Variants in NPPA observed in about 807,000 individuals in gnomAD.
NPPA encodes natriuretic peptide A.
A neutral mutation model predicts 12.2 loss-of-function variants in NPPA; 10 were observed. The observed-to-expected ratio is 0.82, with a 90% CI of 0.50 to 1.38. The LOEUF (loss-of-function observed/expected upper bound fraction) is 1.38, where lower values mean the gene tolerates loss of function less well. Ranked by LOEUF, NPPA falls within the 40% of genes most tolerant of loss-of-function variation. The pLI, the probability that NPPA is intolerant of heterozygous loss-of-function variation, is 0.00. For missense variants in NPPA, 207 were observed against 193.5 expected, an observed-to-expected ratio of 1.07 and a Z score of -0.41; for synonymous variants, 85 against 80.2, an observed-to-expected ratio of 1.06 and a Z score of -0.32.
intron 2 of NPPA, 53 bp downstream of exon 2, chr1:11,847,060 G>A: frequency 2.7e-6 from 4 of 1,462,894 alleles, no homozygotes; most frequent in South Asian, 1.4e-5. Flanking sequence ...CCTGCTGAAG[G>A]TGTCTCCCAG....
At chr1:11,847,015 CTT>C in intron 2 of NPPA, 96 bp downstream of exon 2, 1 of 1,106,730 alleles carries the variant, frequency 9.0e-7, no homozygotes. Flanking sequence ...GGGGCAGAAA[CTT>C]GAGAGGGAAT....
At position 11,847,397 on chromosome 1, in the gene NPPA, C is replaced by T; in HGVS notation, c.166G>A (p.Glu56Lys). 1 of 1,614,090 alleles carries T rather than the reference C, an allele frequency of 6.2e-7. No homozygotes were observed. Among genetic ancestry groups the T allele is most frequent in the Non-Finnish European group, 8.5e-7 (1 of 1,180,018 alleles). The change falls in exon 2 of 3, where the codon GAG (glutamate) becomes AAG (lysine). Residue 56 changes from glutamate (E) to lysine (K), a missense_variant. By Grantham distance (56) the Glu-to-Lys change is moderately conservative. Transcript: ENST00000376480. Reference protein sequence around the residue: ...HLEEKMPLEDEVVPPQVLSEP... With the variant: ...HLEEKMPLEDKVVPPQVLSEP... ...CTGAGCACTTGTGGGGGCACGACCT[C>T]ATCTTCTAAAGGCATCTTTTCTTCC...
At position 11,847,733 on chromosome 1, in the gene NPPA, C is replaced by T. The variant is rs375633255; in HGVS notation, c.-49G>A. 2.5e-6 allele frequency: 4 copies of T among 1,612,798 alleles called. No individual in the cohort carries two copies. The African/African-American group carries it at 4.0e-5, about 16-fold the overall frequency. ...CACTGCTTGCTGCTCTGTCTCTCCC[C>T]TCTGGTTCCTCTCTGGTTCCCCTCT... is the stretch of plus-strand genomic sequence containing the variant. On this transcript the variant is annotated 5_prime_UTR_variant, in exon 1 of 3. Transcript: ENST00000376480.
chr1:11,845,775 C>G lies in NPPA; in HGVS notation c.*234G>C. 1 of 591,400 alleles carries G rather than the reference C, an allele frequency of 1.7e-6. No homozygotes were observed. The highest frequency in any genetic ancestry group is 3.0e-6 in the Non-Finnish European group (1 of 328,154). The allele number at this position is 591,400 out of a possible 1,614,324, so 36.6% of individuals were successfully genotyped here. A position where few individuals can be genotyped will look rare whatever the true frequency, so the allele number is the denominator to read the frequency against. Reference sequence around the variant, plus strand: ...ACCACTTTCAGTAACAGGTGAGGTTCTACCTTAAAATTTAATGCATGGGGT... The same window carrying G: ...ACCACTTTCAGTAACAGGTGAGGTTGTACCTTAAAATTTAATGCATGGGGT... On this transcript the variant is annotated 3_prime_UTR_variant, in exon 3 of 3. Coordinates refer to ENST00000376480, the MANE Select transcript of NPPA (RefSeq NM_006172.4).
rs1645080289 is a variant in NPPA, at chr1:11,847,763, G to T, written c.-79C>A. On this transcript the variant is annotated 5_prime_UTR_variant, in exon 1 of 3. Coordinates refer to ENST00000376480, the MANE Select transcript of NPPA (RefSeq NM_006172.4). Reference sequence around the variant, plus strand: ...GTTCCTCTCTGGTTCCCCTCTCTTGGCCTACGTCTGTCCCTGTCTCCCAGC... The same window carrying T: ...GTTCCTCTCTGGTTCCCCTCTCTTGTCCTACGTCTGTCCCTGTCTCCCAGC... 5.6e-6 allele frequency: 9 copies of T among 1,602,200 alleles called. No individual in the cohort carries two copies. The highest frequency in any genetic ancestry group is 6.8e-6 in the Non-Finnish European group (8 of 1,171,600).
rs1468231623 is a variant in NPPA at position 11,847,175 on chromosome 1, A to T, written c.388T>A (p.Cys130Ser). ...TAPRSLRRSSCFGGRMDRIGA... is the reference protein window; with the variant it reads ...TAPRSLRRSSSFGGRMDRIGA... ...ATCCTGTCCATCCTGCCCCCGAAGC[A>T]GCTGGATCTCCGCAGGCTCCGAGGG... Residue 130 changes from cysteine (C) to serine (S), a missense_variant, in exon 2 of 3, where the codon TGC becomes AGC. Physicochemically the swap from Cys to Ser is moderately radical, Grantham distance 112 (BLOSUM62 -1). Transcript: ENST00000376480. 6.3e-7 allele frequency: 1 copy of T among 1,592,896 alleles called. No homozygotes were observed. The highest frequency in any genetic ancestry group is 8.6e-7 in the Non-Finnish European group (1 of 1,166,156).
chr1:11,847,582 C>T lies in NPPA; in HGVS notation c.103G>A (p.Ala35Thr), dbSNP rs202145205. 108 of 1,614,048 alleles carry T rather than the reference C, an allele frequency of 6.7e-5. No homozygotes were observed. The highest frequency in any genetic ancestry group is 2.7e-4 in the South Asian group (25 of 91,078). ...CCTACCTTGAAATCCATCAGGTCTG[C>T]GTTGGACACGGCATTGTACATGGGA... ...ANPMYNAVSN[A>T]DLMDFKNLLD... Residue 35 changes from alanine to threonine, a missense_variant, in exon 1 of 3, where the codon GCA (alanine) becomes ACA (threonine). Ala to Thr is a moderately conservative substitution (Grantham distance 58). Coordinates refer to ENST00000376480, the MANE Select transcript of NPPA (RefSeq NM_006172.4).
At chr1:11,846,182 GTTACTCATCAGAGTAA>G in intron 2 of NPPA, among the ~76,000 whole-genome samples, 168 bp from the exon 3 acceptor site, 1 of 152,120 alleles carries the variant, frequency 6.6e-6, no homozygotes, top group Non-Finnish European at 1.5e-5. Context: ...TGATAAGCAA[GTTACTCATCAGAGTAA>G]ATTTCACTTA....
At position 11,845,796 on chromosome 1, in the gene NPPA, G is replaced by A; in HGVS notation, c.*213C>T. ...GGTTCTACCTTAAAATTTAATGCATGGGGTGGGAGAGGCGAGGAAGTCACC... is the reference window on the plus strand; with the variant it reads ...GGTTCTACCTTAAAATTTAATGCATAGGGTGGGAGAGGCGAGGAAGTCACC... On this transcript the variant is annotated 3_prime_UTR_variant, in exon 3 of 3. Coordinates refer to ENST00000376480, the MANE Select transcript of NPPA (RefSeq NM_006172.4). 1 of 605,352 alleles carries A rather than the reference G, an allele frequency of 1.7e-6. No individual in the cohort carries two copies. The highest frequency in any genetic ancestry group is 2.0e-5 in the South Asian group (1 of 50,556). The allele number at this position is 605,352 out of a possible 1,614,324, so 37.5% of individuals were successfully genotyped here.
intron 2 of NPPA, 40 bp from the exon 3 acceptor site, chr1:11,846,054 G>A (rs1645066375): frequency 1.2e-6 from 2 of 1,612,762 alleles, no homozygotes; most frequent in South Asian, 2.2e-5. Context: ...TGGTGACCTG[G>A]CTGTCCTGGA....
chr1:11,847,283 C>T lies in NPPA; in HGVS notation c.280G>A (p.Gly94Arg), dbSNP rs751887187. 16 of 1,613,556 alleles carry T rather than the reference C, an allele frequency of 9.9e-6. No individual in the cohort carries two copies. The East Asian group carries it at 1.1e-4, about 11-fold the overall frequency. The change falls in exon 2 of 3, where the codon GGA (glycine) becomes AGA (arginine). Residue 94 changes from glycine to arginine, a missense_variant. By Grantham distance (125) the Gly-to-Arg change is moderately radical. Transcript: ENST00000376480. ...TGEVSPAQRD[G>R]GALGRGPWDS... ...CAGGGGCCCCGCCCGAGGGCACCTC[C>T]ATCTCTCTGGGCTGGGCTGACTTCC...
chr1:11,845,964 T>C lies in NPPA; in HGVS notation c.*45A>G, dbSNP rs1443862089. 1 of 1,602,886 alleles carries C rather than the reference T, an allele frequency of 6.2e-7. No individual in the cohort carries two copies. Among genetic ancestry groups the C allele is most frequent in the African/African-American group, 1.3e-5 (1 of 74,608 alleles). On this transcript the variant is annotated 3_prime_UTR_variant, in exon 3 of 3. Coordinates refer to ENST00000376480, the MANE Select transcript of NPPA (RefSeq NM_006172.4). ...CCCAGGGGACAGGAGCCTCTTGCAG[T>C]CTGTCCCTAGGCCCAGCCCTGCTTG...
intron 2 of NPPA, among the ~76,000 whole-genome samples, 194 bp downstream of exon 2, chr1:11,846,919 C>G (rs984766208): frequency 2.7e-5 from 4 of 147,350 alleles, no homozygotes; most frequent in African/African-American, 9.7e-5. Flanking sequence ...CAGCCCCCCC[C>G]CCTTTTTTTT....
rs1645080231 is a variant in NPPA, at chr1:11,847,744, C to T, written c.-60G>A. The stretch of plus-strand genomic sequence containing the variant: ...GCTCTGTCTCTCCCCTCTGGTTCCT[C>T]TCTGGTTCCCCTCTCTTGGCCTACG... On this transcript the variant is annotated 5_prime_UTR_variant, in exon 1 of 3. Coordinates refer to ENST00000376480, the MANE Select transcript of NPPA (RefSeq NM_006172.4). 6 of 1,612,220 alleles carry T rather than the reference C, an allele frequency of 3.7e-6. No individual in the cohort carries two copies. In the African/African-American group the frequency reaches 8.0e-5, roughly 22 times the overall value.
chr1:11,846,387 T>C (rs1645068726), intron 2 of NPPA, among the ~76,000 whole-genome samples: 2 of 146,110 alleles, frequency 1.4e-5, no homozygotes, highest in Admixed American at 1.4e-4. Context: ...TGGTGCCATC[T>C]CTGCTCACTG....
rs1645075661 is a variant in NPPA at position 11,847,298 on chromosome 1, G to A, written c.265C>T (p.Pro89Ser). 6.2e-7 allele frequency: 1 copy of A among 1,613,700 alleles called. No homozygotes were observed. The highest frequency in any genetic ancestry group is 8.5e-7 in the Non-Finnish European group (1 of 1,179,790). The change falls in exon 2 of 3, where the codon CCA becomes TCA. Residue 89 changes from proline (P) to serine (S), a missense_variant. Transcript: ENST00000376480. ...AGGGCACCTCCATCTCTCTGGGCTG[G>A]GCTGACTTCCCCGGTCCAGGGAGGC... Reference protein sequence around the residue: ...EVPPWTGEVSPAQRDGGALGR... With the variant: ...EVPPWTGEVSSAQRDGGALGR...
At chr1:11,847,522 G>T (rs779494765) in intron 1 of NPPA, 40 bp downstream of exon 1, 2 of 1,614,126 alleles carry the variant, frequency 1.2e-6, no homozygotes, top group South Asian at 2.2e-5. Flanking sequence ...GCATCAGAAA[G>T]CCCCCTGGCC....
chr1:11,846,093 A>G, intron 2 of NPPA, 79 bp from the exon 3 acceptor site: 1 of 1,466,260 alleles, frequency 6.8e-7, no homozygotes. Flanking sequence ...GAGTGTGCCC[A>G]TCCTCTGAAC....
intron 2 of NPPA, 80 bp downstream of exon 2, chr1:11,847,033 T>G (rs1399786717): frequency 1.5e-6 from 2 of 1,335,852 alleles, no homozygotes; most frequent in Non-Finnish European, 2.0e-6. Context: ...GGAATGAGCT[T>G]CTGCATTGGT....
Sources: allele counts gnomAD v4.1 joint callset (sites outside exome capture counted in the v4.1 genomes callset), GRCh38; gene constraint gnomAD v4.1.1; transcripts MANE v1.5; gene names NCBI Gene and HGNC (gene_info 2026-07-23, HGNC 2026-07-21).